RPUSD4: variants seen among roughly 807,000 people sequenced by gnomAD.
RPUSD4 encodes pseudouridylate synthase RPUSD4, mitochondrial.
RPUSD4 carries 37 observed loss-of-function variants against 35.4 expected under a neutral mutation model. The observed-to-expected ratio is 1.04, with a 90% CI of 0.80 to 1.37. The LOEUF is 1.37. RPUSD4 is among the 40% of genes most tolerant of loss of function. The pLI, the probability that RPUSD4 is intolerant of heterozygous loss-of-function variation, is 0.00. For missense variants in RPUSD4, 507 were observed against 484.9 expected (o/e 1.05, Z -0.43); for synonymous variants, 210 against 192.7 (o/e 1.09, Z -0.74).
At position 126,211,145 on chromosome 11, in the gene RPUSD4, G is replaced by A. The variant is rs117453699; in HGVS notation, c.190-90C>T. Reference sequence around the variant, plus strand: ...AAGGTCTGGGTGAGAATCTGAGTAGGGAATGACTATCTTTGCATCAGACCC... The same window carrying A: ...AAGGTCTGGGTGAGAATCTGAGTAGAGAATGACTATCTTTGCATCAGACCC... On this transcript the variant is annotated intron_variant, in intron 1 of 6. Coordinates refer to ENST00000298317, the MANE Select transcript of RPUSD4 (RefSeq NM_032795.3). The A allele has an allele frequency of 1.0e-3, 1,463 of 1,445,722 alleles. 53 individuals are homozygous for A. In the East Asian group the frequency reaches 0.033, roughly 33 times the overall value. The allele number at this position is 1,445,722 out of a possible 1,614,324, so 89.6% of individuals were successfully genotyped here.
Position 126,203,561 on chromosome 11 carries a change from C to T in RPUSD4, c.991G>A (p.Ala331Thr), listed in dbSNP as rs140615422. 12 of 1,614,236 alleles carry T rather than the reference C, an allele frequency of 7.4e-6. No homozygotes were observed. In the South Asian group the frequency reaches 1.2e-4, roughly 16 times the overall value. Residue 331 changes from alanine to threonine, a missense_variant, in exon 7 of 7, where the codon GCC (alanine) becomes ACC (threonine). Ala to Thr is a moderately conservative substitution (Grantham distance 58, BLOSUM62 0). Coordinates refer to ENST00000298317, the MANE Select transcript of RPUSD4 (RefSeq NM_032795.3). Reference sequence around the variant, plus strand: ...AGTTCCTCCTTCCCGGACCCCAGGGCAGGCAGGATCAGCTGCCGGGCGTGC... The same window carrying T: ...AGTTCCTCCTTCCCGGACCCCAGGGTAGGCAGGATCAGCTGCCGGGCGTGC... ...HLHARQLILP[A>T]LGSGKEELNL...
intron 3 of RPUSD4, 65 bp downstream of exon 3, chr11:126,209,456 G>A: frequency 7.2e-7 from 1 of 1,389,256 alleles, no homozygotes; most frequent in Non-Finnish European, 1.0e-6. Context: ...TGTTTTTAAT[G>A]AATAAATAGG....
rs480153 is a variant in RPUSD4, at chr11:126,202,399, C to T, written c.*1019G>A. The T allele has an allele frequency of 0.2, 29,947 of 152,180 alleles. 3,036 individuals are homozygous for T. Among genetic ancestry groups the T allele is most frequent in the South Asian group, 0.22 (1,079 of 4,830 alleles). 9.4% of individuals were successfully genotyped at this position (152,180 alleles called of 1,614,324 possible). The stretch of plus-strand genomic sequence containing the variant: ...TCCTGAGACCTAAGAACAGAAGATA[C>T]GCTTCCACAACAGAGATTTTTGATT... On this transcript the variant is annotated 3_prime_UTR_variant, in exon 7 of 7. Transcript: ENST00000298317.
intron 2 of RPUSD4, among the ~76,000 whole-genome samples, chr11:126,210,357 A>G (rs1949834238): frequency 6.6e-6 from 1 of 152,226 alleles, no homozygotes; most frequent in East Asian, 1.9e-4. Flanking sequence ...TCTAGCTAAA[A>G]TGGGCCTTTT....
intron 2 of RPUSD4, 148 bp downstream of exon 2, chr11:126,210,742 G>A: frequency 1.4e-6 from 1 of 701,512 alleles, no homozygotes; most frequent in Non-Finnish European, 2.3e-6. Context: ...TGTGTTCTCG[G>A]TGGTTCCTTA....
At chr11:126,210,754 ATTG>A in intron 2 of RPUSD4, 133 bp downstream of exon 2, 1 of 700,654 alleles carries the variant, frequency 1.4e-6, no homozygotes, top group Non-Finnish European at 2.2e-6. Context: ...GGTTCCTTAT[ATTG>A]GACGGTAGTT....
intron 3 of RPUSD4, among the ~76,000 whole-genome samples, chr11:126,207,848 A>G (rs1269437194): frequency 6.6e-6 from 1 of 152,130 alleles, no homozygotes; most frequent in Non-Finnish European, 1.5e-5. Flanking sequence ...CAAAAAAAAA[A>G]GGCCAGGCAC....
At chr11:126,208,853 C>G (rs1383258457) in intron 3 of RPUSD4, 2 of 152,216 alleles carry the variant, frequency 1.3e-5, no homozygotes, top group Non-Finnish European at 2.9e-5. Context: ...AAAAACCAAA[C>G]TGATTACATG....
intron 2 of RPUSD4, among the ~76,000 whole-genome samples, chr11:126,210,550 C>CACACACACACACACACACACACACA (rs3220746): frequency 1.4e-5 from 2 of 144,634 alleles, no homozygotes; most frequent in Admixed American, 6.8e-5. Context: ...CACACACACA[C>CACACACACACACACACACACACACA]CCCCTTTTTT....
chr11:126,203,915 G>C lies in RPUSD4; in HGVS notation c.895-258C>G, dbSNP rs553172359. Among the ~76,000 whole-genome samples, 71 of 152,182 alleles carry C rather than the reference G, an allele frequency of 4.7e-4. 1 individual carries two copies. Among genetic ancestry groups the C allele is most frequent in the Non-Finnish European group, 7.8e-4 (53 of 68,014 alleles). On this transcript the variant is annotated intron_variant, in intron 6 of 6. Coordinates refer to ENST00000298317, the MANE Select transcript of RPUSD4 (RefSeq NM_032795.3). ...ATGGGCTGTGGTATAAGGATGAAAA[G>C]GCTTTCCCTGCGGTTTTTTAGTAGC...
In RPUSD4 at chr11:126,205,701, T is replaced by G. The variant is rs373059834; in HGVS notation, c.638A>C (p.Gln213Pro). ...CTGCTCGCTCACCTTGTGGTGTTGC[T>G]GCTGGCCTTGCGCCTCCTTCTCCAC... ...PIVEKEAQGQ[Q>P]QHHKMTLSPS... The change falls in exon 4 of 7, where the codon CAG becomes CCG. Residue 213 changes from glutamine (Q) to proline (P), a missense_variant. Transcript: ENST00000298317. 1 of 1,613,412 alleles carries G rather than the reference T, an allele frequency of 6.2e-7. No homozygotes were observed. Among genetic ancestry groups the G allele is most frequent in the East Asian group, 2.2e-5 (1 of 44,884 alleles).
rs982765641 is a variant in RPUSD4, at chr11:126,211,456, C to A, written c.183G>T (p.Lys61Asn). The A allele has an allele frequency of 6.2e-7, 1 of 1,612,416 alleles. No homozygotes were observed. Among genetic ancestry groups the A allele is most frequent in the African/African-American group, 1.3e-5 (1 of 74,934 alleles). ...RAQKREQDTK[K>N]EPVSTNAVQR... ...CTGGTCCCTTTGGACTCACCGGCTC[C>A]TTCTTTGTGTCTTGTTCCCGTTTCT... Residue 61 changes from lysine (K) to asparagine (N), a missense_variant, in exon 1 of 7, where the codon AAG (lysine) becomes AAT (asparagine). By Grantham distance (94) the Lys-to-Asn change is moderately conservative. Coordinates refer to ENST00000298317, the MANE Select transcript of RPUSD4 (RefSeq NM_032795.3).
chr11:126,208,231 C>A (rs1949794527), intron 3 of RPUSD4, among the ~76,000 whole-genome samples: 1 of 152,176 alleles, frequency 6.6e-6, no homozygotes, highest in African/African-American at 2.4e-5. Context: ...AATACATTCA[C>A]ATATTCTTTG....
chr11:126,209,554 A>C lies in RPUSD4; in HGVS notation c.524T>G (p.Leu175Trp), dbSNP rs762576930. 4.3e-6 allele frequency: 7 copies of C among 1,614,202 alleles called. No individual in the cohort carries two copies. In the East Asian group the frequency reaches 1.6e-4, roughly 36 times the overall value. The change falls in exon 3 of 7, where the codon TTG (leucine) becomes TGG (tryptophan). Residue 175 changes from leucine to tryptophan, a missense_variant. By Grantham distance (61) the Leu-to-Trp change is moderately conservative (BLOSUM62 -2). Transcript: ENST00000298317. ...DKDMAHQVQE[L>W]FRTRQVVKKY... is the part of the protein sequence containing the mutation. ...CTTCACCACCTGACGGGTTCTAAAC[A>C]ACTCTTGGACTTGATGTGCCATGTC...
Position 126,203,234 on chromosome 11 carries a change from A to C in RPUSD4, c.*184T>G. On this transcript the variant is annotated 3_prime_UTR_variant, in exon 7 of 7. Transcript: ENST00000298317. ...TAAATAGACTTTGTTCTCCATTAAA[A>C]GCCCTGTAGCAGCTGAGTTGCTTTA... The C allele has an allele frequency of 1.3e-6, 1 of 769,400 alleles. No individual in the cohort carries two copies. The allele number at this position is 769,400 out of a possible 1,614,324, so 47.7% of individuals were successfully genotyped here.
rs1190951371 is a variant in RPUSD4, at chr11:126,204,299, A to C, written c.826T>G (p.Ser276Ala). ...GIKHQLRVHL[S>A]FGLDCPILGD... ...AGGATTGGACAATCCAATCCAAAAG[A>C]CAAGTGAACTCGAAGCTGATGTTTT... The change falls in exon 6 of 7, where the codon TCT (serine) becomes GCT (alanine). Residue 276 changes from serine (S) to alanine (A), a missense_variant. Physicochemically the swap from Ser to Ala is moderately conservative, Grantham distance 99 (BLOSUM62 1). Transcript: ENST00000298317. The C allele has an allele frequency of 6.2e-7, 1 of 1,613,396 alleles. No individual in the cohort carries two copies. The highest frequency in any genetic ancestry group is 1.1e-5 in the South Asian group (1 of 91,038).
At chr11:126,208,102 C>T (rs1316791111) in intron 3 of RPUSD4, among the ~76,000 whole-genome samples, 1 of 152,038 alleles carries the variant, frequency 6.6e-6, no homozygotes, top group Admixed American at 6.5e-5. Context: ...GTACTCACCA[C>T]TGCTGGTGGG....
chr11:126,211,043 C>A lies in RPUSD4; in HGVS notation c.202G>T (p.Ala68Ser). The A allele has an allele frequency of 4.3e-6, 7 of 1,613,260 alleles. No homozygotes were observed. The highest frequency in any genetic ancestry group is 5.9e-6 in the Non-Finnish European group (7 of 1,179,948). ...DTKKEPVSTN[A>S]VQRRVQEIVR... is the part of the protein sequence containing the mutation. ...ATTTCTTGCACTCTCCGCTGAACAG[C>A]GTTTGTGGACACCTAGGGAGAAAGA... Residue 68 changes from alanine (A) to serine (S), a missense_variant, in exon 2 of 7, where the codon GCT (alanine) becomes TCT (serine). Ala to Ser is a moderately conservative substitution (Grantham distance 99). Coordinates refer to ENST00000298317, the MANE Select transcript of RPUSD4 (RefSeq NM_032795.3).
At chr11:126,211,219 T>C (rs774263894) in intron 1 of RPUSD4, 164 bp from the exon 2 acceptor site, 2 of 955,566 alleles carry the variant, frequency 2.1e-6, no homozygotes, top group African/African-American at 1.6e-5. Flanking sequence ...CTGTCTAACC[T>C]GCGTACCGAC....
Sources: gnomAD v4.1 joint callset for allele counts (sites outside exome capture counted in the v4.1 genomes callset) on GRCh38, gnomAD v4.1.1 for gene constraint, MANE v1.5 for transcripts, NCBI Gene and HGNC (gene_info 2026-07-23, HGNC 2026-07-21) for gene names.